Variants in ALS2CL observed in about 807,000 individuals in gnomAD.
ALS2CL encodes the protein ALS2 C-terminal like, also known as ALS2 C-terminal-like protein.
Under a neutral mutation model 127.9 loss-of-function variants are expected in ALS2CL, and 112 were observed. That is an observed-to-expected ratio of 0.88 (90% confidence interval 0.75 to 1.02). ALS2CL has a LOEUF of 1.02. Ranked by LOEUF, ALS2CL falls within the 50% of genes least tolerant of loss-of-function variation. The pLI is 0.00. For synonymous variants in ALS2CL, 519 were observed against 527.6 expected (o/e 0.98, Z 0.22); for missense variants, 1,174 against 1,236.7 (o/e 0.95, Z 0.76).
At position 46,675,692 on chromosome 3, in the gene ALS2CL, A is replaced by C. The variant is rs1698760741; in HGVS notation, c.2187-6T>G. The C allele has an allele frequency of 6.2e-7, 1 of 1,613,400 alleles. No individual in the cohort carries two copies. Among genetic ancestry groups the C allele is most frequent in the Non-Finnish European group, 8.5e-7 (1 of 1,180,006 alleles). ...AGGCAACTCGCAGCAGACCCCTGTG[A>C]GTCAATGAGAGAGAAATGGTGTGGC... On this transcript the variant is annotated splice_polypyrimidine_tract_variant and splice_region_variant and intron_variant, in intron 19 of 25. Coordinates refer to ENST00000318962, the MANE Select transcript of ALS2CL (RefSeq NM_147129.5).
At chr3:46,671,085 C>T (rs1251794025) in intron 25 of ALS2CL, 21 bp from the exon 26 acceptor site, 3 of 1,611,672 alleles carry the variant, frequency 1.9e-6, no homozygotes, top group African/African-American at 2.7e-5. Context: ...AGAGGCAAGG[C>T]TGAGGCCAGT....
chr3:46,674,936 T>G, intron 20 of ALS2CL, 197 bp from the exon 21 acceptor site: 1 of 493,480 alleles, frequency 2.0e-6, no homozygotes, highest in East Asian at 3.4e-5. Flanking sequence ...ATTCCCTCCT[T>G]TGACTTTGAC....
intron 4 of ALS2CL, among the ~76,000 whole-genome samples, chr3:46,687,365 C>G (rs1298954743): frequency 6.6e-6 from 1 of 152,184 alleles, no homozygotes; most frequent in Non-Finnish European, 1.5e-5. Flanking sequence ...AACCATCCAC[C>G]CTGAAGGGAT....
At chr3:46,676,087 C>A in intron 19 of ALS2CL, 158 bp downstream of exon 19, 1 of 1,379,110 alleles carries the variant, frequency 7.3e-7, no homozygotes. Context: ...TCCCCACCCT[C>A]TAACCCTTTT....
chr3:46,671,959 C>T lies in ALS2CL; in HGVS notation c.2609G>A (p.Arg870Lys). The change falls in exon 24 of 26, where the codon AGG becomes AAG. Residue 870 changes from arginine to lysine, a missense_variant. By Grantham distance (26) the Arg-to-Lys change is conservative. Transcript: ENST00000318962. Reference protein sequence around the residue: ...TYGEIEGTVSRVLGREYKLPM... With the variant: ...TYGEIEGTVSKVLGREYKLPM... Reference sequence around the variant, plus strand: ...CAGCTTGTACTCCCGGCCCAATACCCTCGACACCGTGCCCTCAATTTCCCC... The same window carrying T: ...CAGCTTGTACTCCCGGCCCAATACCTTCGACACCGTGCCCTCAATTTCCCC... 2 of 1,614,000 alleles carry T rather than the reference C, an allele frequency of 1.2e-6. No homozygotes were observed. Among genetic ancestry groups the T allele is most frequent in the East Asian group, 2.2e-5 (1 of 44,866 alleles).
At chr3:46,673,600 G>GC (rs913454310) in intron 21 of ALS2CL, among the ~76,000 whole-genome samples, 3 of 152,160 alleles carry the variant, frequency 2.0e-5, no homozygotes, top group African/African-American at 7.2e-5. Context: ...GCTTGTATGA[G>GC]CCAGGTCGTG....
At chr3:46,674,440 G>GGATAAT in intron 21 of ALS2CL, 126 bp downstream of exon 21, 1 of 1,261,862 alleles carries the variant, frequency 7.9e-7, no homozygotes. Flanking sequence ...AGCCACACCT[G>GGATAAT]AATGCATAAG....
intron 10 of ALS2CL, among the ~76,000 whole-genome samples, chr3:46,682,369 C>A (rs1699422563): frequency 6.6e-6 from 1 of 152,188 alleles, no homozygotes; most frequent in South Asian, 2.1e-4. Context: ...TTTCCCTTGA[C>A]CAACAGGAAG....
rs146989129 is a variant in ALS2CL, at chr3:46,671,542, C to G, written c.2727G>C (p.Met909Ile). The stretch of plus-strand genomic sequence containing the variant: ...GGCCTCCTGTGTGGTTGGGGTCCAT[C>G]ATGTCACGGATCAGGTGGATCTCGG... ...LGAEIHLIRD[M>I]MDPNHTGGLY... Residue 909 changes from methionine to isoleucine, a missense_variant, in exon 25 of 26, where the codon ATG (methionine) becomes ATC (isoleucine). Coordinates refer to ENST00000318962, the MANE Select transcript of ALS2CL (RefSeq NM_147129.5). 1.2e-4 allele frequency: 190 copies of G among 1,613,924 alleles called. 1 individual carries two copies. The highest frequency in any genetic ancestry group is 1.6e-4 in the Middle Eastern group (1 of 6,084).
In ALS2CL at chr3:46,678,402, A is replaced by G. The variant is rs749127912; in HGVS notation, c.1627-13T>C. 2.5e-6 allele frequency: 4 copies of G among 1,609,800 alleles called. No individual in the cohort carries two copies. The Admixed American group carries it at 5.0e-5, about 20-fold the overall frequency. On this transcript the variant is annotated splice_polypyrimidine_tract_variant and intron_variant, in intron 15 of 25. Coordinates refer to ENST00000318962, the MANE Select transcript of ALS2CL (RefSeq NM_147129.5). ...AGGTGACCTTGCCCTGGGAGCCAGGAGAAGGAGCAGGGATGTCTGTCTGCC... is the reference window on the plus strand; with the variant it reads ...AGGTGACCTTGCCCTGGGAGCCAGGGGAAGGAGCAGGGATGTCTGTCTGCC...
chr3:46,670,783 AACC>A lies in ALS2CL; in HGVS notation c.*198_*200del. The A allele has an allele frequency of 5.4e-6, 3 of 559,050 alleles. No individual in the cohort carries two copies. The South Asian group carries it at 6.1e-5, about 11-fold the overall frequency. 34.6% of individuals were successfully genotyped at this position (559,050 alleles called of 1,614,324 possible). A position where few individuals can be genotyped will look rare whatever the true frequency, so the allele number is the denominator to read the frequency against. On this transcript the variant is annotated 3_prime_UTR_variant, in exon 26 of 26. Coordinates refer to ENST00000318962, the MANE Select transcript of ALS2CL (RefSeq NM_147129.5). This position sits in a 1 kb window ranked among gnomAD's most constrained non-coding sequence, Gnocchi z 5.5. ...GAAGATGGGCTAGTGGCCAAGGGAA[AACC>A]ACCACATCCAGGGCCACACCCGTCA...
rs776691452 is a variant in ALS2CL at position 46,686,479 on chromosome 3, T to C, written c.535-40A>G. 1 of 1,596,330 alleles carries C rather than the reference T, an allele frequency of 6.3e-7. No individual in the cohort carries two copies. The highest frequency in any genetic ancestry group is 8.5e-7 in the Non-Finnish European group (1 of 1,170,748). On this transcript the variant is annotated intron_variant, in intron 5 of 25. Coordinates refer to ENST00000318962, the MANE Select transcript of ALS2CL (RefSeq NM_147129.5). The surrounding 1 kb of genome is among the most constrained non-coding windows in gnomAD (Gnocchi z 4.3). ...GGCAGCCAGTGAGAGGAGAGCTTAC[T>C]GGAATCTTCCCTAGCCCAGTCCTGG...
chr3:46,676,177 A>G (rs1334687809), intron 19 of ALS2CL, 68 bp downstream of exon 19: 99 of 1,570,432 alleles, frequency 6.3e-5, no homozygotes, highest in Non-Finnish European at 8.3e-5. Flanking sequence ...TGCAAGGCAG[A>G]ACTGATGCCT....
rs1179479310 is a variant in ALS2CL at position 46,678,254 on chromosome 3, C to T, written c.1757+5G>A. The T allele has an allele frequency of 6.3e-7, 1 of 1,575,850 alleles. No homozygotes were observed. Among genetic ancestry groups the T allele is most frequent in the African/African-American group, 1.3e-5 (1 of 74,296 alleles). Reference sequence around the variant, plus strand: ...GGCCCAGAGCCAGAGGGGCCAGGCACTCACCTCTTGCAGGTACTGCTCGGG... The same window carrying T: ...GGCCCAGAGCCAGAGGGGCCAGGCATTCACCTCTTGCAGGTACTGCTCGGG... On this transcript the variant is annotated splice_donor_5th_base_variant and intron_variant, in intron 16 of 25. Coordinates refer to ENST00000318962, the MANE Select transcript of ALS2CL (RefSeq NM_147129.5).
chr3:46,679,061 G>T, intron 15 of ALS2CL, 149 bp downstream of exon 15: 1 of 732,994 alleles, frequency 1.4e-6, no homozygotes. Context: ...CTCTGTGGCA[G>T]GGTGGAGTTG....
intron 1 of ALS2CL, among the ~76,000 whole-genome samples, chr3:46,692,121 G>A (rs556852761): frequency 6.6e-6 from 1 of 152,290 alleles, no homozygotes; most frequent in South Asian, 2.1e-4. Flanking sequence ...AAGCATGGCT[G>A]GTGAGGCAGT....
At position 46,686,526 on chromosome 3, in the gene ALS2CL, G is replaced by A; in HGVS notation, c.535-87C>T. On this transcript the variant is annotated intron_variant, in intron 5 of 25. Transcript: ENST00000318962. The surrounding 1 kb of genome is among the most constrained non-coding windows in gnomAD (Gnocchi z 4.3). Reference sequence around the variant, plus strand: ...CTGGTCCCGGCTGGTGGGGAGGCCTGAATCTAGGCCAGACCTTGCCCTTCT... The same window carrying A: ...CTGGTCCCGGCTGGTGGGGAGGCCTAAATCTAGGCCAGACCTTGCCCTTCT... 6.6e-7 allele frequency: 1 copy of A among 1,521,124 alleles called. No homozygotes were observed. The highest frequency in any genetic ancestry group is 8.9e-7 in the Non-Finnish European group (1 of 1,126,884). The allele number at this position is 1,521,124 out of a possible 1,614,324, so 94.2% of individuals were successfully genotyped here.
At chr3:46,679,433 G>T in intron 14 of ALS2CL, 146 bp from the exon 15 acceptor site, 1 of 653,550 alleles carries the variant, frequency 1.5e-6, no homozygotes. Context: ...CCACAGGACT[G>T]TACCTAATTG....
chr3:46,686,299 C>T lies in ALS2CL; in HGVS notation c.666+9G>A. 1 of 1,604,204 alleles carries T rather than the reference C, an allele frequency of 6.2e-7. No homozygotes were observed. Among genetic ancestry groups the T allele is most frequent in the Non-Finnish European group, 8.5e-7 (1 of 1,175,226 alleles). On this transcript the variant is annotated intron_variant, in intron 6 of 25. Transcript: ENST00000318962. This position sits in a 1 kb window ranked among gnomAD's most constrained non-coding sequence, Gnocchi z 4.3. ...CCCTCCCTAACTGCCCCTCAGGCCC[C>T]CAACTCACCCTCAGCCGGCCTCTCA...
Sources: allele counts gnomAD v4.1 joint callset (sites outside exome capture counted in the v4.1 genomes callset), GRCh38; gene constraint gnomAD v4.1.1; non-coding constraint Gnocchi (gnomAD v3.1); transcripts MANE v1.5; gene names NCBI Gene and HGNC (gene_info 2026-07-23, HGNC 2026-07-21).